The following CFAP92 variants were observed in gnomAD, a reference collection of about 807,000 sequenced individuals.
CFAP92 encodes cilia and flagella associated protein 92 (putative), also known as uncharacterized protein CFAP92.
In CFAP92, 86 loss-of-function variants were observed where a neutral mutation model predicts 106.3. The observed-to-expected ratio is 0.81, with a 90% confidence interval of 0.68 to 0.97. The LOEUF is 0.97. Ranked by LOEUF, CFAP92 falls within the 50% of genes least tolerant of loss-of-function variation. The pLI, the probability that CFAP92 is intolerant of heterozygous loss-of-function variation, is 0.00. For synonymous variants in CFAP92, 477 were observed against 506.4 expected, an observed-to-expected ratio of 0.94 and a Z score of 0.78; for missense variants, 1,204 against 1,283.8, an observed-to-expected ratio of 0.94 and a Z score of 0.95.
upstream of CFAP92, among the ~76,000 whole-genome samples, chr3:128,996,437 A>C (rs752985880): frequency 1.3e-5 from 2 of 152,206 alleles, no homozygotes; most frequent in Non-Finnish European, 2.9e-5. Flanking sequence ...ATATGGAACC[A>C]CTGCCCTGAG....
At chr3:129,015,667 T>C in the CFAP92 span, among the ~76,000 whole-genome samples, 1 of 151,882 alleles carries the variant, frequency 6.6e-6, no homozygotes, top group South Asian at 2.1e-4. Context: ...TCAGTAAAGT[T>C]GGGGGGGTTC....
intron 8 of CFAP92, chr3:128,967,872 C>T (rs563403511): frequency 3.9e-5 from 6 of 152,322 alleles, no homozygotes; most frequent in African/African-American, 1.4e-4. Flanking sequence ...CCATTCTTTG[C>T]TCAGGGGACA....
chr3:128,957,410 T>C (rs1391337856), intron 9 of CFAP92, among the ~76,000 whole-genome samples: 1 of 152,204 alleles, frequency 6.6e-6, no homozygotes, highest in African/African-American at 2.4e-5. Flanking sequence ...GGTAAAATAT[T>C]GATACCAAGA....
In CFAP92 at chr3:128,993,053, A is replaced by G. The variant is rs760050274; in HGVS notation, c.252T>C (p.Pro84=). Residue 84 remains proline, a synonymous_variant, in exon 2 of 16, where the codon CCT becomes CCC. Coordinates refer to ENST00000645291, the MANE Select transcript of CFAP92 (RefSeq NM_001394090.1). ...TGCTCTAGCACCTACCCATATTCAC[A>G]GGGAAGGCCAGTGAGATGGTGAATT... ...PCKFTISLAF[P]VNMGQKGKYA... 2.5e-5 allele frequency: 40 copies of G among 1,613,912 alleles called. 1 individual carries two copies. The Admixed American group carries it at 6.5e-4, about 26-fold the overall frequency.
At chr3:129,020,544 G>A in the CFAP92 span, among the ~76,000 whole-genome samples, 1 of 152,176 alleles carries the variant, frequency 6.6e-6, no homozygotes, top group Non-Finnish European at 1.5e-5. Context: ...GGCTGAGGTG[G>A]GAGGATCACT....
intron 4 of CFAP92, among the ~76,000 whole-genome samples, chr3:128,985,161 T>C (rs926212125): frequency 4.6e-5 from 7 of 152,194 alleles, no homozygotes; most frequent in Non-Finnish European, 8.8e-5. Flanking sequence ...GGTGCTGTCA[T>C]TGCAACGTTT....
intron 2 of CFAP92, chr3:128,991,374 T>C (rs2107822560): frequency 6.6e-6 from 1 of 152,440 alleles, no homozygotes; most frequent in South Asian, 2.0e-4. Context: ...GCCTCCAAAA[T>C]AGCTGAAGCA....
chr3:128,951,993 G>T (rs1298675093), intron 9 of CFAP92, among the ~76,000 whole-genome samples: 1 of 152,188 alleles, frequency 6.6e-6, no homozygotes. Flanking sequence ...CAGTGGCCAA[G>T]TGGGGAACCT....
intron 7 of CFAP92, among the ~76,000 whole-genome samples, chr3:128,971,678 A>T (rs1213164863): frequency 3.3e-5 from 5 of 152,230 alleles, no homozygotes; most frequent in African/African-American, 1.2e-4. Flanking sequence ...CTGCTAACTG[A>T]GAACACAGAC....
intron 1 of CFAP92, chr3:128,993,712 C>G: frequency 3.4e-6 from 1 of 295,892 alleles, no homozygotes; most frequent in South Asian, 3.4e-5. Flanking sequence ...GCACAAGATG[C>G]GTTTGCTATT....
rs1439966094 is a variant in CFAP92, at chr3:128,953,439, C to A, written c.1354-7464G>T. 3.9e-5 allele frequency among the ~76,000 whole-genome samples: 6 copies of A among 152,240 alleles called. No homozygotes were observed. The East Asian group carries it at 1.2e-3, about 29-fold the overall frequency. ...CTGAGGGAGGAGAATGGCATGAACCCAGGAGGCGGAGCTTGCAGTGAGCCA... is the reference window on the plus strand; with the variant it reads ...CTGAGGGAGGAGAATGGCATGAACCAAGGAGGCGGAGCTTGCAGTGAGCCA... On this transcript the variant is annotated intron_variant, in intron 9 of 15. Transcript: ENST00000645291.
chr3:129,013,172 G>C, the CFAP92 span, among the ~76,000 whole-genome samples: 1 of 152,148 alleles, frequency 6.6e-6, no homozygotes, highest in East Asian at 1.9e-4. Flanking sequence ...AGGACACAAG[G>C]GGGTGGGCAT....
intron 12 of CFAP92, among the ~76,000 whole-genome samples, chr3:128,927,710 C>T (rs1237869615): frequency 7.2e-6 from 1 of 138,556 alleles, no homozygotes; most frequent in African/African-American, 2.9e-5. Flanking sequence ...GGCGACTGAG[C>T]AAGACTCTGT....
intron 9 of CFAP92, among the ~76,000 whole-genome samples, chr3:128,957,932 C>T (rs1374140528): frequency 6.6e-6 from 1 of 152,148 alleles, no homozygotes; most frequent in Non-Finnish European, 1.5e-5. Flanking sequence ...TCAGAAGGTG[C>T]TCAGGAAGGT....
the CFAP92 span, among the ~76,000 whole-genome samples, chr3:129,013,050 G>A: frequency 6.6e-6 from 1 of 152,192 alleles, no homozygotes; most frequent in Non-Finnish European, 1.5e-5. Context: ...CTGGGTGGAG[G>A]CCTGGCTTGT....
chr3:128,911,440 CTCT>C lies in CFAP92; in HGVS notation c.3281-1110_3281-1108del, dbSNP rs779882236. Among the ~76,000 whole-genome samples, 25 of 152,028 alleles carry C rather than the reference CTCT, an allele frequency of 1.6e-4. 1 individual carries two copies. Among genetic ancestry groups the C allele is most frequent in the Admixed American group, 4.6e-4 (7 of 15,276 alleles). On this transcript the variant is annotated intron_variant, in intron 15 of 15. Transcript: ENST00000645291. ...TCTGCCCAGCATGCCTGGCTGTATT[CTCT>C]TTTTTTTGGAGACATAGTCTCACTT...
Position 128,910,248 on chromosome 3 carries a change from G to T in CFAP92, c.*51C>A. 1.3e-6 allele frequency: 2 copies of T among 1,574,486 alleles called. No homozygotes were observed. Among genetic ancestry groups the T allele is most frequent in the Non-Finnish European group, 1.7e-6 (2 of 1,163,118 alleles). On this transcript the variant is annotated 3_prime_UTR_variant, in exon 16 of 16. Transcript: ENST00000645291. ...TTGAGGAGGGTGTGGTCGGGTGTGG[G>T]GGAGGCTGTGCAGGTTCACCATGCG...
intron 15 of CFAP92, chr3:128,914,711 TGTCA>T (rs1182735289): frequency 5.9e-6 from 1 of 169,866 alleles, no homozygotes. Flanking sequence ...AAGAAAGAAC[TGTCA>T]GTATCTTTGC....
chr3:128,935,052 GT>G (rs1387169609), intron 11 of CFAP92, 72 bp downstream of exon 11: 1 of 1,272,292 alleles, frequency 7.9e-7, no homozygotes, highest in Non-Finnish European at 1.0e-6. Context: ...CAGCTTGCCT[GT>G]TTGGGTGCAG....
Sources: gnomAD v4.1 joint callset for allele counts (sites outside exome capture counted in the v4.1 genomes callset) on GRCh38, gnomAD v4.1.1 for gene constraint, MANE v1.5 for transcripts, NCBI Gene and HGNC (gene_info 2026-07-23, HGNC 2026-07-21) for gene names.